CCDC18: variants seen among roughly 807,000 people sequenced by gnomAD.
CCDC18 encodes coiled-coil domain containing 18, also known as coiled-coil domain-containing protein 18.
Under a neutral mutation model 196.0 loss-of-function variants are expected in CCDC18, and 157 were observed. That is an observed-to-expected ratio of 0.80 (90% CI 0.70 to 0.91). The LOEUF is 0.91. Ranked by LOEUF, CCDC18 falls within the 40% of genes least tolerant of loss-of-function variation. The pLI is 0.00. For missense variants in CCDC18, 1,465 were observed against 1,611.6 expected (o/e 0.91, Z 1.56); for synonymous variants, 482 against 529.2 (o/e 0.91, Z 1.22).
chr1:93,270,577 A>G lies in CCDC18; in HGVS notation c.4116A>G (p.Glu1372=), dbSNP rs1405378139. The G allele has an allele frequency of 6.4e-7, 1 of 1,550,460 alleles. No individual in the cohort carries two copies. The highest frequency in any genetic ancestry group is 8.7e-7 in the Non-Finnish European group (1 of 1,146,910). The change falls in exon 28 of 29, where the codon GAA becomes GAG. Residue 1372 remains glutamate, a synonymous_variant. Transcript: ENST00000690025. The part of the protein sequence containing the change: ...FKIHGDEDLS[E]ELLQDLKKMQ... ...TTCATGGTGATGAAGATCTTTCTGA[A>G]GAATTACTACAGGACTTAAAGAAAA...
chr1:93,194,950 A>G (rs776455549), intron 6 of CCDC18, among the ~76,000 whole-genome samples: 3 of 152,116 alleles, frequency 2.0e-5, no homozygotes, highest in Admixed American at 6.5e-5. Flanking sequence ...GGCTCACTGC[A>G]TCCTCCGCCC....
upstream of CCDC18, chr1:93,180,185 C>G: frequency 6.2e-7 from 1 of 1,613,494 alleles, no homozygotes; most frequent in Non-Finnish European, 8.5e-7. Flanking sequence ...GGCAGCAGCA[C>G]CGGAGGCAGA....
intron 7 of CCDC18, among the ~76,000 whole-genome samples, chr1:93,202,899 C>T (rs1214365313): frequency 2.0e-5 from 3 of 152,070 alleles, no homozygotes; most frequent in Admixed American, 6.5e-5. Context: ...GTGAAGGTGG[C>T]AGTGGTTAAT....
chr1:93,257,297 A>G (rs916775419), intron 25 of CCDC18, among the ~76,000 whole-genome samples: 1 of 148,810 alleles, frequency 6.7e-6, no homozygotes, highest in Non-Finnish European at 1.5e-5. Flanking sequence ...TTAAATTTGT[A>G]ACTTTTAGGA....
At position 93,270,481 on chromosome 1, in the gene CCDC18, T is replaced by A; in HGVS notation, c.4020T>A (p.Cys1340Ter). The change falls in exon 28 of 29, where the codon TGT becomes TGA. Residue 1340 changes from cysteine (C) to a stop codon, truncating the protein, a stop_gained. Coordinates refer to ENST00000690025, the MANE Select transcript of CCDC18 (RefSeq NM_001378204.1). LOFTEE classifies it high-confidence loss of function. The part of the protein sequence containing the change: ...PDVQDPKFAK[C>*]FHTSFSKCTK... Reference sequence around the variant, plus strand: ...TTCAAGATCCAAAATTTGCTAAATGTTTTCACACATCTTTTTCCAAGTGTA... The same window carrying A: ...TTCAAGATCCAAAATTTGCTAAATGATTTCACACATCTTTTTCCAAGTGTA... 1 of 1,550,428 alleles carries A rather than the reference T, an allele frequency of 6.4e-7. No homozygotes were observed. The highest frequency in any genetic ancestry group is 2.4e-5 in the East Asian group (1 of 40,878).
At position 93,183,478 on chromosome 1, in the gene CCDC18, A is replaced by G. The variant is rs202201009; in HGVS notation, c.117A>G (p.Leu39=). ...LKITEWSLQS[L]GEELSSVSPS... is the part of the protein sequence containing the mutation. ...TAACAGAATGGAGTTTGCAGAGTTTAGGGGAAGAGTTATCCAGGTAAGTAA... is the reference window on the plus strand; with the variant it reads ...TAACAGAATGGAGTTTGCAGAGTTTGGGGGAAGAGTTATCCAGGTAAGTAA... Residue 39 remains leucine, a synonymous_variant, in exon 2 of 29, where the codon TTA becomes TTG. Transcript: ENST00000690025. The G allele has an allele frequency of 3.1e-4, 496 of 1,595,778 alleles. No individual in the cohort carries two copies. Among genetic ancestry groups the G allele is most frequent in the Non-Finnish European group, 3.7e-4 (437 of 1,171,786 alleles).
At chr1:93,183,867 G>C (rs1466618464) in intron 2 of CCDC18, 111 bp from the exon 3 acceptor site, 14 of 598,928 alleles carry the variant, frequency 2.3e-5, no homozygotes, top group African/African-American at 3.8e-5. Context: ...GTTCATAACT[G>C]TGAATCTGCT....
chr1:93,197,748 T>TC (rs1652989866), intron 6 of CCDC18, among the ~76,000 whole-genome samples: 1 of 40,286 alleles, frequency 2.5e-5, no homozygotes, highest in Admixed American at 3.4e-4. Flanking sequence ...TTCTTTTCTT[T>TC]TTTTTTTTTT....
In CCDC18 at chr1:93,239,680, T is replaced by A. The variant is rs764592710; in HGVS notation, c.2768-3T>A. The A allele has an allele frequency of 1.1e-5, 18 of 1,587,192 alleles. No homozygotes were observed. The highest frequency in any genetic ancestry group is 1.3e-5 in the Non-Finnish European group (15 of 1,159,488). Reference sequence around the variant, plus strand: ...TTATAAAATTATTCTCTCCTCTTAATAGTAAAGGAGTTAGAAAAGTTACAG... The same window carrying A: ...TTATAAAATTATTCTCTCCTCTTAAAAGTAAAGGAGTTAGAAAAGTTACAG... On this transcript the variant is annotated splice_region_variant and splice_polypyrimidine_tract_variant and intron_variant, in intron 20 of 28. Coordinates refer to ENST00000690025, the MANE Select transcript of CCDC18 (RefSeq NM_001378204.1).
intron 21 of CCDC18, among the ~76,000 whole-genome samples, chr1:93,243,323 C>T (rs1046848014): frequency 2.6e-5 from 4 of 152,250 alleles, no homozygotes; most frequent in African/African-American, 9.6e-5. Flanking sequence ...CCCTCTGAAG[C>T]CACGGCCTGT....
At chr1:93,180,663 A>T (rs764573275), upstream of CCDC18, 16 of 1,330,196 alleles carry the variant, frequency 1.2e-5, no homozygotes, top group Middle Eastern at 2.2e-4. Flanking sequence ...GCGGCGCCTC[A>T]CGCAGTCTGC....
At chr1:93,272,529 T>C (rs555978803) in intron 28 of CCDC18, among the ~76,000 whole-genome samples, 1 of 150,946 alleles carries the variant, frequency 6.6e-6, no homozygotes. Flanking sequence ...TCACAATGTA[T>C]TTCAAGGAGG....
At chr1:93,195,275 C>T (rs923879357) in intron 6 of CCDC18, among the ~76,000 whole-genome samples, 2 of 152,150 alleles carry the variant, frequency 1.3e-5, no homozygotes, top group Non-Finnish European at 2.9e-5. Context: ...TGCTGAAGAA[C>T]TCTTAAGTAA....
At chr1:93,200,254 C>T (rs112578731) in intron 6 of CCDC18, among the ~76,000 whole-genome samples, 184 of 151,246 alleles carry the variant, frequency 1.2e-3, no homozygotes, top group African/African-American at 4.3e-3. Flanking sequence ...GGAATACAGG[C>T]GTGAACCACC....
chr1:93,215,178 T>C (rs1222107825), intron 12 of CCDC18, among the ~76,000 whole-genome samples: 1 of 152,186 alleles, frequency 6.6e-6, no homozygotes, highest in East Asian at 1.9e-4. Flanking sequence ...TAGGAAAAAC[T>C]GTAGTGGGTA....
intron 14 of CCDC18, among the ~76,000 whole-genome samples, chr1:93,221,276 A>C (rs1325876904): frequency 1.6e-5 from 2 of 125,308 alleles, no homozygotes; most frequent in East Asian, 4.2e-4. Context: ...TTTCTCTGCA[A>C]CCTCTCCAGC....
At chr1:93,186,260 A>G (rs1650658414) in intron 3 of CCDC18, 85 bp from the exon 4 acceptor site, 2 of 1,260,454 alleles carry the variant, frequency 1.6e-6, no homozygotes, top group Non-Finnish European at 2.2e-6. Context: ...CATTTTGTTA[A>G]TAATTGCTCA....
chr1:93,250,826 A>C (rs637646), intron 23 of CCDC18, among the ~76,000 whole-genome samples: 71,936 of 151,868 alleles, frequency 0.47, 20,199 homozygotes, highest in African/African-American at 0.79. Flanking sequence ...TTTTTACATT[A>C]TTTTACTTTC....
chr1:93,247,346 CT>C (rs1193285448), intron 23 of CCDC18, among the ~76,000 whole-genome samples: 2 of 152,064 alleles, frequency 1.3e-5, no homozygotes, highest in African/African-American at 4.8e-5. Flanking sequence ...TATAGAAATG[CT>C]ACTGATTTTT....
Sources: allele counts gnomAD v4.1 joint callset (sites outside exome capture counted in the v4.1 genomes callset), GRCh38; gene constraint gnomAD v4.1.1; transcripts MANE v1.5; gene names NCBI Gene and HGNC (gene_info 2026-07-23, HGNC 2026-07-21).